MVK: variants seen among roughly 807,000 people sequenced by gnomAD.
The protein encoded by MVK is mevalonate kinase.
A neutral mutation model predicts 43.2 loss-of-function variants in MVK; 34 were observed. That is an observed-to-expected ratio of 0.79 (90% CI 0.60 to 1.05). The LOEUF is 1.05. Among genes scored for constraint, MVK ranks in the 50% least tolerant of loss-of-function variants. MVK has a pLI of 0.00. For synonymous variants in MVK, 190 were observed against 219.8 expected (o/e 0.86, Z 1.20); for missense variants, 395 against 504.0 (o/e 0.78, Z 2.07).
intron 8 of MVK, 118 bp downstream of exon 8, chr12:109,590,979 C>T (rs1885647890): frequency 1.8e-6 from 2 of 1,141,032 alleles, no homozygotes; most frequent in South Asian, 1.3e-5. Context: ...TGGTGGGGGC[C>T]CTTAGGGAGG....
chr12:109,582,923 T>A (rs2136230497), intron 5 of MVK, among the ~76,000 whole-genome samples: 1 of 152,290 alleles, frequency 6.6e-6, no homozygotes, highest in African/African-American at 2.4e-5. Flanking sequence ...ACACACACCT[T>A]GCCCAGCTGG....
chr12:109,573,807 G>C lies in MVK; in HGVS notation c.-81G>C. The C allele has an allele frequency of 6.5e-6, 2 of 310,024 alleles. No individual in the cohort carries two copies. The highest frequency in any genetic ancestry group is 6.7e-5 in the South Asian group (2 of 29,764). 19.2% of individuals were successfully genotyped at this position (310,024 alleles called of 1,614,324 possible). On this transcript the variant is annotated 5_prime_UTR_variant, in exon 1 of 11. Coordinates refer to ENST00000228510, the MANE Select transcript of MVK (RefSeq NM_000431.4). Reference sequence around the variant, plus strand: ...TGAGGCACGGGCGCTCTGGGTTGTGGGAGTTGGGGAGCTGCTCCGGCTTCG... The same window carrying C: ...TGAGGCACGGGCGCTCTGGGTTGTGCGAGTTGGGGAGCTGCTCCGGCTTCG...
intron 5 of MVK, 147 bp downstream of exon 5, chr12:109,581,697 C>T (rs1885226536): frequency 8.3e-7 from 1 of 1,207,778 alleles, no homozygotes; most frequent in African/African-American, 1.5e-5. Flanking sequence ...CCCGAGAGGT[C>T]AAATGGCTGG....
intron 1 of MVK, among the ~76,000 whole-genome samples, chr12:109,574,469 C>A (rs1262303020): frequency 6.6e-6 from 1 of 152,202 alleles, no homozygotes; most frequent in African/African-American, 2.4e-5. Flanking sequence ...CCAGACACCG[C>A]CAAGTGTTTC....
Position 109,575,834 on chromosome 12 carries a change from T to G in MVK, c.79-164T>G, listed in dbSNP as rs6606734. 0.54 allele frequency among the ~76,000 whole-genome samples: 82,283 copies of G among 152,020 alleles called. 22,846 individuals carry two copies. Among genetic ancestry groups the G allele is most frequent in the African/African-American group, 0.64 (26,419 of 41,436 alleles). On this transcript the variant is annotated intron_variant, in intron 2 of 10. Transcript: ENST00000228510. The stretch of plus-strand genomic sequence containing the variant: ...CTTTTAGCTGATCGATGGTGGCTGT[T>G]CCCAGGCTTAGTGGGAGAGCATGCC...
At chr12:109,586,891 G>C in intron 7 of MVK, 92 bp downstream of exon 7, 2 of 1,485,110 alleles carry the variant, frequency 1.3e-6, no homozygotes, top group Non-Finnish European at 1.9e-6. Context: ...ACCATAGGAG[G>C]CAGGTGTCCC....
At position 109,590,850 on chromosome 12, in the gene MVK, A is replaced by T. The variant is rs148576029; in HGVS notation, c.757A>T (p.Arg253Trp). ...GGCCCTTGTGGCTGGCGTCAGAAAC[A>T]GGCTGCTCAAGGTGACTCTTGTTCC... The part of the protein sequence containing the change: ...TRALVAGVRN[R>W]LLKFPEIVAP... The change falls in exon 8 of 11, where the codon AGG becomes TGG. Residue 253 changes from arginine (R) to tryptophan (W), a missense_variant. By Grantham distance (101) the Arg-to-Trp change is moderately radical (BLOSUM62 -3). Transcript: ENST00000228510. The T allele has an allele frequency of 1.2e-6, 2 of 1,614,144 alleles. No homozygotes were observed. The highest frequency in any genetic ancestry group is 1.1e-5 in the South Asian group (1 of 91,080).
chr12:109,573,671 C>A, upstream of MVK: 2 of 708,224 alleles, frequency 2.8e-6, no homozygotes, highest in South Asian at 1.6e-5. Context: ...CGGGAAAACC[C>A]GTGTCGGCTT....
intron 3 of MVK, 63 bp from the exon 4 acceptor site, chr12:109,579,739 T>C: frequency 1.2e-6 from 2 of 1,600,222 alleles, no homozygotes; most frequent in Non-Finnish European, 8.6e-7. Flanking sequence ...CTGTGTTCTG[T>C]TGTTTATAAA....
At chr12:109,592,521 C>T (rs1194404962) in intron 9 of MVK, among the ~76,000 whole-genome samples, 2 of 152,228 alleles carry the variant, frequency 1.3e-5, no homozygotes, top group African/African-American at 2.4e-5. Context: ...CCCGGTCCCC[C>T]GTGGGCATTC....
chr12:109,576,000 A>C lies in MVK; in HGVS notation c.81A>C (p.Val27=), dbSNP rs1206957538. The C allele has an allele frequency of 6.2e-7, 1 of 1,614,190 alleles. No individual in the cohort carries two copies. The highest frequency in any genetic ancestry group is 8.5e-7 in the Non-Finnish European group (1 of 1,180,040). The stretch of plus-strand genomic sequence containing the variant: ...TGCTTTTGTCATTTATTCTATAGGT[A>C]GCACTGGCTGTATCCTTGAACTTGA... ...HGEHAVVHGK[V]ALAVSLNLRT... Residue 27 remains valine, a splice_region_variant and synonymous_variant, in exon 3 of 11, where the codon GTA becomes GTC. Transcript: ENST00000228510.
intron 9 of MVK, among the ~76,000 whole-genome samples, chr12:109,592,721 G>A (rs961022444): frequency 3.9e-5 from 6 of 152,202 alleles, no homozygotes; most frequent in Non-Finnish European, 5.9e-5. Flanking sequence ...GGCCGAGCCA[G>A]GGGTCCAGCC....
At chr12:109,577,924 C>G (rs1331486423) in intron 3 of MVK, among the ~76,000 whole-genome samples, 1 of 152,206 alleles carries the variant, frequency 6.6e-6, no homozygotes, top group Non-Finnish European at 1.5e-5. Flanking sequence ...GAAATGTCTC[C>G]TGAGAACCAG....
intron 4 of MVK, among the ~76,000 whole-genome samples, chr12:109,580,299 C>T (rs1325475358): frequency 6.6e-6 from 1 of 152,184 alleles, no homozygotes; most frequent in Non-Finnish European, 1.5e-5. Context: ...GATGGAGTCT[C>T]ACTGTGTTGC....
chr12:109,590,975 G>T, intron 8 of MVK, 114 bp downstream of exon 8: 1 of 1,154,388 alleles, frequency 8.7e-7, no homozygotes, highest in Non-Finnish European at 1.3e-6. Context: ...TGGGTGGTGG[G>T]GGCCCTTAGG....
intron 9 of MVK, among the ~76,000 whole-genome samples, chr12:109,592,136 C>T (rs1354294104): frequency 6.6e-6 from 1 of 152,172 alleles, no homozygotes; most frequent in Non-Finnish European, 1.5e-5. Flanking sequence ...CCCAGCTACT[C>T]GAGAGGCTGA....
intron 8 of MVK, 127 bp from the exon 9 acceptor site, chr12:109,591,114 G>C: frequency 2.0e-6 from 2 of 1,011,756 alleles, no homozygotes; most frequent in Non-Finnish European, 1.6e-6. Flanking sequence ...TCAGAAGAGA[G>C]GTGGTTTCCC....
In MVK at chr12:109,594,735, G is replaced by T. The variant is rs12318538; in HGVS notation, c.886-293G>T. Among the ~76,000 whole-genome samples, 1,205 of 152,302 alleles carry T rather than the reference G, an allele frequency of 7.9e-3. 20 individuals are homozygous for T. Among genetic ancestry groups the T allele is most frequent in the African/African-American group, 0.027 (1,138 of 41,558 alleles). On this transcript the variant is annotated intron_variant, in intron 9 of 10. Transcript: ENST00000228510. ...GGAGGGCTGTGATTGGCCCAGCTTGGACCACATGCCCATCCCTGATCAGTC... is the reference window on the plus strand; with the variant it reads ...GGAGGGCTGTGATTGGCCCAGCTTGTACCACATGCCCATCCCTGATCAGTC...
upstream of MVK, chr12:109,573,677 G>C: frequency 1.5e-6 from 1 of 683,330 alleles, no homozygotes; most frequent in Non-Finnish European, 2.6e-6. Context: ...AACCCGTGTC[G>C]GCTTGGCTGC....
Sources: allele counts gnomAD v4.1 joint callset (sites outside exome capture counted in the v4.1 genomes callset), GRCh38; gene constraint gnomAD v4.1.1; transcripts MANE v1.5; gene names NCBI Gene and HGNC (gene_info 2026-07-23, HGNC 2026-07-21).